The following FABP1 variants were observed in gnomAD, a reference collection of about 807,000 sequenced individuals.
FABP1 encodes fatty acid binding protein 1.
A neutral mutation model predicts 13.7 loss-of-function variants in FABP1; 13 were observed. That is an observed-to-expected ratio of 0.95 (90% CI 0.62 to 1.51). The LOEUF is 1.51. Among genes scored for constraint, FABP1 ranks in the 40% most tolerant of loss-of-function variants. The probability of loss-of-function intolerance (pLI) is 0.00; values close to 1 mark genes in which losing one functional copy is unlikely to be tolerated. For missense variants in FABP1, 140 were observed against 155.7 expected (o/e 0.90, Z 0.54); for synonymous variants, 48 against 59.8 (o/e 0.80, Z 0.91).
At chr2:88,127,140 C>G (rs1368634311) in intron 1 of FABP1, among the ~76,000 whole-genome samples, 1 of 152,150 alleles carries the variant, frequency 6.6e-6, no homozygotes, top group Non-Finnish European at 1.5e-5. Flanking sequence ...GCTTATAGGG[C>G]TCCCTCTGCC....
At chr2:88,127,860 T>C (rs1190338182) in intron 1 of FABP1, 91 bp downstream of exon 1, 1 of 1,270,278 alleles carries the variant, frequency 7.9e-7, no homozygotes, top group African/African-American at 1.5e-5. Context: ...TCTCCCCCCA[T>C]CTCAACATTT....
chr2:88,127,928 T>C (rs770427135), intron 1 of FABP1, 23 bp downstream of exon 1: 2 of 1,613,532 alleles, frequency 1.2e-6, no homozygotes, highest in Non-Finnish European at 1.7e-6. Context: ...ACCCACAGCT[T>C]TGCCTTTCAG....
chr2:88,124,501 A>T lies in FABP1; in HGVS notation c.326T>A (p.Ile109Asn), dbSNP rs1675260904. ...AGAGCACCACCAACTTACATTGGTGATTATGTCGCCGTTGAGTTCGGTCAC... is the reference window on the plus strand; with the variant it reads ...AGAGCACCACCAACTTACATTGGTGTTTATGTCGCCGTTGAGTTCGGTCAC... Reference protein sequence around the residue: ...KSVTELNGDIITNTMTLGDIV... With the variant: ...KSVTELNGDINTNTMTLGDIV... Residue 109 changes from isoleucine to asparagine, a missense_variant, in exon 3 of 4, where the codon ATC becomes AAC. By Grantham distance (149) the Ile-to-Asn change is moderately radical (BLOSUM62 -3). Transcript: ENST00000295834. The T allele has an allele frequency of 5.6e-6, 9 of 1,606,634 alleles. No homozygotes were observed. The highest frequency in any genetic ancestry group is 7.6e-6 in the Non-Finnish European group (9 of 1,176,666).
At chr2:88,127,905 C>T (rs748479856) in intron 1 of FABP1, 46 bp downstream of exon 1, 3 of 1,591,290 alleles carry the variant, frequency 1.9e-6, no homozygotes, top group East Asian at 2.2e-5. Context: ...AGAGCTAGAC[C>T]CTCACTGATG....
chr2:88,125,188 T>A (rs1530273), intron 2 of FABP1, among the ~76,000 whole-genome samples: 1 of 151,884 alleles, frequency 6.6e-6, no homozygotes, highest in African/African-American at 2.4e-5. Flanking sequence ...CTGGAAGAGA[T>A]GACAGGAACC....
Position 88,126,285 on chromosome 2 carries a change from T to C in FABP1, c.131A>G (p.Asn44Ser), listed in dbSNP as rs1675294873. 3 of 1,613,950 alleles carry C rather than the reference T, an allele frequency of 1.9e-6. No individual in the cohort carries two copies. The highest frequency in any genetic ancestry group is 3.3e-5 in the Admixed American group (2 of 59,998). Residue 44 changes from asparagine (N) to serine (S), a missense_variant, in exon 2 of 4, where the codon AAT becomes AGT. Coordinates refer to ENST00000295834, the MANE Select transcript of FABP1 (RefSeq NM_001443.3). Reference sequence around the variant, plus strand: ...GATGGTGAACTTGAAGTGCTTCCCATTCTGCACGATTTCCGACACCCCCTT... The same window carrying C: ...GATGGTGAACTTGAAGTGCTTCCCACTCTGCACGATTTCCGACACCCCCTT... ...DIKGVSEIVQ[N>S]GKHFKFTITA...
rs770387493 is a variant in FABP1 at position 88,126,299 on chromosome 2, C to T, written c.117G>A (p.Ser39=). The change falls in exon 2 of 4, where the codon TCG becomes TCA. Residue 39 remains serine (S), a synonymous_variant. Coordinates refer to ENST00000295834, the MANE Select transcript of FABP1 (RefSeq NM_001443.3). ...AGTGCTTCCCATTCTGCACGATTTC[C>T]GACACCCCCTTGATATCCTTCCCCT... ...IQKGKDIKGV[S]EIVQNGKHFK... is the part of the protein sequence containing the mutation. 102 of 1,613,972 alleles carry T rather than the reference C, an allele frequency of 6.3e-5. No individual in the cohort carries two copies. The highest frequency in any genetic ancestry group is 6.0e-4 in the Admixed American group (36 of 60,016).
Position 88,124,572 on chromosome 2 carries a change from C to T in FABP1, c.255G>A (p.Leu85=). Residue 85 remains leucine, a synonymous_variant, in exon 3 of 4, where the codon TTG becomes TTA. Transcript: ENST00000295834. ...TGEKVKTVVQ[L]EGDNKLVTTF... ...TTGTCACCAGTTTATTGTCACCTTCCAACTGAACCACTGTCTGCAGGGAAC... is the reference window on the plus strand; with the variant it reads ...TTGTCACCAGTTTATTGTCACCTTCTAACTGAACCACTGTCTGCAGGGAAC... 3.1e-6 allele frequency: 5 copies of T among 1,611,098 alleles called. No homozygotes were observed. The highest frequency in any genetic ancestry group is 4.2e-6 in the Non-Finnish European group (5 of 1,178,606).
rs566131805 is a variant in FABP1 at position 88,123,038 on chromosome 2, T to G, written c.*16A>C. The G allele has an allele frequency of 6.3e-7, 1 of 1,599,082 alleles. No individual in the cohort carries two copies. On this transcript the variant is annotated 3_prime_UTR_variant, in exon 4 of 4. Coordinates refer to ENST00000295834, the MANE Select transcript of FABP1 (RefSeq NM_001443.3). Reference sequence around the variant, plus strand: ...ATTAATTTTACACACTAAAATAATATGAAATGCAGACTTGTTTAAATTCTC... The same window carrying G: ...ATTAATTTTACACACTAAAATAATAGGAAATGCAGACTTGTTTAAATTCTC...
Position 88,124,629 on chromosome 2 carries a change from G to A in FABP1, c.241-43C>T, listed in dbSNP as rs1484494155. On this transcript the variant is annotated intron_variant, in intron 2 of 3. Coordinates refer to ENST00000295834, the MANE Select transcript of FABP1 (RefSeq NM_001443.3). The stretch of plus-strand genomic sequence containing the variant: ...GTGACCTGTGAGGAAGGGGTGGTGG[G>A]GGGCAAGAGCCTTGCTAATGAAGTT... The A allele has an allele frequency of 2.1e-6, 3 of 1,448,978 alleles. No individual in the cohort carries two copies. The Admixed American group carries it at 5.3e-5, about 26-fold the overall frequency. The allele number at this position is 1,448,978 out of a possible 1,614,324, so 89.8% of individuals were successfully genotyped here. A position where few individuals can be genotyped will look rare whatever the true frequency, so the allele number is the denominator to read the frequency against.
Position 88,128,023 on chromosome 2 carries a change from C to T in FABP1, c.-6G>A. On this transcript the variant is annotated 5_prime_UTR_variant, in exon 1 of 4. Transcript: ENST00000295834. ...TACTTGCCGGAGAAACTCATGGTGG[C>T]AATAGAGCTCCCTCTTCACGACTGA... The T allele has an allele frequency of 1.2e-6, 2 of 1,614,156 alleles. No homozygotes were observed. Among genetic ancestry groups the T allele is most frequent in the Non-Finnish European group, 1.7e-6 (2 of 1,179,992 alleles).
intron 2 of FABP1, 46 bp from the exon 3 acceptor site, chr2:88,124,632 G>A (rs765694763): frequency 1.4e-6 from 2 of 1,419,714 alleles, no homozygotes; most frequent in East Asian, 2.3e-5. Flanking sequence ...GTGGTGGGGG[G>A]CAAGAGCCTT....
chr2:88,124,972 TC>T (rs1313934583), intron 2 of FABP1, among the ~76,000 whole-genome samples: 3 of 102,302 alleles, frequency 2.9e-5, no homozygotes, highest in Admixed American at 1.9e-4. Flanking sequence ...TATGTATTCT[TC>T]TTTTTTTTTT....
chr2:88,127,528 A>G (rs1675321412), intron 1 of FABP1, among the ~76,000 whole-genome samples: 1 of 152,170 alleles, frequency 6.6e-6, no homozygotes, highest in Admixed American at 6.5e-5. Context: ...ACCTGAGGGA[A>G]TGCCTTATTA....
At chr2:88,126,438 G>T in intron 1 of FABP1, 90 bp from the exon 2 acceptor site, 1 of 1,358,816 alleles carries the variant, frequency 7.4e-7, no homozygotes, top group Non-Finnish European at 1.0e-6. Context: ...ATGACATGGA[G>T]GGACAGAGAA....
In FABP1 at chr2:88,124,206, CG is replaced by C. The variant is rs1289739727; in HGVS notation, c.333+287del. On this transcript the variant is annotated intron_variant, in intron 3 of 3. Coordinates refer to ENST00000295834, the MANE Select transcript of FABP1 (RefSeq NM_001443.3). Reference sequence around the variant, plus strand: ...CCATGAATGGGATTCTCTTTATAAACGCTAAATGGGCAAAGGCATTTATGAA... The same window carrying C: ...CCATGAATGGGATTCTCTTTATAAACCTAAATGGGCAAAGGCATTTATGAA... 6 of 374,108 alleles carry C rather than the reference CG, an allele frequency of 1.6e-5. No individual in the cohort carries two copies. The South Asian group carries it at 2.9e-4, about 18-fold the overall frequency. 23.2% of individuals were successfully genotyped at this position (374,108 alleles called of 1,614,324 possible). A position where few individuals can be genotyped will look rare whatever the true frequency, so the allele number is the denominator to read the frequency against.
intron 2 of FABP1, 45 bp downstream of exon 2, chr2:88,126,131 C>G (rs1452714363): frequency 1.3e-6 from 2 of 1,560,028 alleles, no homozygotes; most frequent in East Asian, 4.5e-5. Flanking sequence ...GTCCCAGGGC[C>G]AGGTTCCAAG....
chr2:88,127,859 A>G (rs1675328511), intron 1 of FABP1, 92 bp downstream of exon 1: 1 of 1,261,872 alleles, frequency 7.9e-7, no homozygotes, highest in African/African-American at 1.5e-5. Flanking sequence ...CTCTCCCCCC[A>G]TCTCAACATT....
chr2:88,123,170 C>T, intron 3 of FABP1, 66 bp from the exon 4 acceptor site: 1 of 1,354,094 alleles, frequency 7.4e-7, no homozygotes, highest in Non-Finnish European at 1.0e-6. Flanking sequence ...CAAAATTAAG[C>T]ATAAAAAACA....
Sources: gnomAD v4.1 joint callset for allele counts (sites outside exome capture counted in the v4.1 genomes callset) on GRCh38, gnomAD v4.1.1 for gene constraint, MANE v1.5 for transcripts, NCBI Gene and HGNC (gene_info 2026-07-23, HGNC 2026-07-21) for gene names.